Variants in KSR2 observed in about 807,000 individuals in gnomAD.
KSR2 encodes the protein kinase suppressor of ras 2.
Under a neutral mutation model 107.8 loss-of-function variants are expected in KSR2, and 25 were observed. That is an observed-to-expected ratio of 0.23 (90% CI 0.17 to 0.32). The LOEUF (loss-of-function observed/expected upper bound fraction) is 0.32, where lower values mean the gene tolerates loss of function less well. Ranked by LOEUF, KSR2 falls within the 10% of genes least tolerant of loss-of-function variation. The pLI, the probability that KSR2 is intolerant of heterozygous loss-of-function variation, is 1.00. For synonymous variants in KSR2, 480 were observed against 507.0 expected (o/e 0.95, Z 0.71); for missense variants, 887 against 1,268.9 (o/e 0.70, Z 4.57).
chr12:117,583,320 G>A (rs1181105247), intron 5 of KSR2, among the ~76,000 whole-genome samples: 3 of 150,228 alleles, frequency 2.0e-5, no homozygotes, highest in Non-Finnish European at 3.0e-5. Flanking sequence ...TGGATAGATG[G>A]GTGGGTGGAT....
intron 1 of KSR2, among the ~76,000 whole-genome samples, chr12:117,885,255 T>A (rs1421927896): frequency 6.6e-6 from 1 of 152,142 alleles, no homozygotes; most frequent in African/African-American, 2.4e-5. Flanking sequence ...ACTGCCCCTA[T>A]TTATTGAGTG....
intron 14 of KSR2, among the ~76,000 whole-genome samples, chr12:117,515,736 G>T (rs922279433): frequency 5.9e-5 from 9 of 152,130 alleles, no homozygotes; most frequent in Non-Finnish European, 8.8e-5. Context: ...GACAAGGCTG[G>T]CCAACATGGT....
intron 7 of KSR2, among the ~76,000 whole-genome samples, chr12:117,577,101 C>T (rs1273423420): frequency 6.6e-6 from 1 of 152,076 alleles, no homozygotes; most frequent in Non-Finnish European, 1.5e-5. Context: ...AGAGCTTGCC[C>T]TTGCCGTTCT....
intron 9 of KSR2, among the ~76,000 whole-genome samples, chr12:117,553,864 T>C (rs544435043): frequency 1.3e-5 from 2 of 148,148 alleles, no homozygotes; most frequent in South Asian, 4.6e-4. Context: ...TCTCTCTCCC[T>C]CTCTCATGCA....
At chr12:117,748,482 T>C (rs573488134) in intron 4 of KSR2, among the ~76,000 whole-genome samples, 1 of 152,314 alleles carries the variant, frequency 6.6e-6, no homozygotes, top group Non-Finnish European at 1.5e-5. Context: ...TGTAAGATGA[T>C]AGATATGTTA....
At chr12:117,567,439 C>T (rs1185352748) in intron 7 of KSR2, among the ~76,000 whole-genome samples, 1 of 151,736 alleles carries the variant, frequency 6.6e-6, no homozygotes, top group African/African-American at 2.4e-5. Context: ...ACATGGCGCG[C>T]GGTCTCGTCA....
intron 3 of KSR2, among the ~76,000 whole-genome samples, chr12:117,806,454 T>C (rs1336163702): frequency 6.6e-6 from 1 of 152,170 alleles, no homozygotes; most frequent in Non-Finnish European, 1.5e-5. Flanking sequence ...AGGGCTCCAT[T>C]TCCCTCTCTC....
chr12:117,828,930 G>C (rs1251837496), intron 3 of KSR2, among the ~76,000 whole-genome samples: 1 of 152,178 alleles, frequency 6.6e-6, no homozygotes, highest in African/African-American at 2.4e-5. Context: ...AATTCCAAAA[G>C]GATGACATGG....
chr12:117,712,415 G>A (rs1565974763), intron 4 of KSR2, among the ~76,000 whole-genome samples: 1 of 152,144 alleles, frequency 6.6e-6, no homozygotes, highest in Admixed American at 6.5e-5. Context: ...AGGGTCAGCT[G>A]CTGAGACCCT....
chr12:117,873,622 G>A (rs751312560), intron 1 of KSR2, among the ~76,000 whole-genome samples: 9 of 151,948 alleles, frequency 5.9e-5, no homozygotes, highest in Non-Finnish European at 8.8e-5. Flanking sequence ...CACCACACCC[G>A]GCTAATTTTT....
intron 3 of KSR2, among the ~76,000 whole-genome samples, chr12:117,799,855 G>T (rs1259605274): frequency 6.6e-6 from 1 of 152,180 alleles, no homozygotes; most frequent in African/African-American, 2.4e-5. Flanking sequence ...CACCTAAAAG[G>T]CACCAAAATT....
In KSR2 at chr12:117,548,275, T is replaced by C. The variant is rs925542581; in HGVS notation, c.1518+6894A>G. ...GGTTTGCATTGCAATGGTCCACTTA[T>C]ATGTGAATTTTCTTCCACCTCTGCC... is the stretch of plus-strand genomic sequence containing the variant. On this transcript the variant is annotated intron_variant, in intron 9 of 19. Coordinates refer to ENST00000339824, the MANE Select transcript of KSR2 (RefSeq NM_173598.6). Among the ~76,000 whole-genome samples, 7 of 152,188 alleles carry C rather than the reference T, an allele frequency of 4.6e-5. No homozygotes were observed. The South Asian group carries it at 1.0e-3, about 22-fold the overall frequency.
intron 1 of KSR2, among the ~76,000 whole-genome samples, chr12:117,914,353 C>T (rs10850938): frequency 0.28 from 42,285 of 150,336 alleles, 6,378 homozygotes; most frequent in East Asian, 0.49. Flanking sequence ...CGCTCGAACC[C>T]AGGAGGTGGA....
At chr12:117,927,269 G>A (rs1490118344) in intron 1 of KSR2, among the ~76,000 whole-genome samples, 2 of 152,006 alleles carry the variant, frequency 1.3e-5, no homozygotes, top group East Asian at 1.9e-4. Context: ...CCAGCTACTC[G>A]GGAGGCTGAG....
chr12:117,555,388 A>C, intron 8 of KSR2, 95 bp from the exon 9 acceptor site: 2 of 1,257,654 alleles, frequency 1.6e-6, no homozygotes, highest in Non-Finnish European at 2.3e-6. Flanking sequence ...TCTTAGACCC[A>C]CCCTCCAGAC....
At chr12:117,575,887 T>C (rs1879253943) in intron 7 of KSR2, among the ~76,000 whole-genome samples, 1 of 152,226 alleles carries the variant, frequency 6.6e-6, no homozygotes, top group African/African-American at 2.4e-5. Context: ...AATGTCACAC[T>C]TGTGTTGTAG....
intron 1 of KSR2, among the ~76,000 whole-genome samples, chr12:117,925,956 G>A (rs898082712): frequency 3.3e-5 from 5 of 152,126 alleles, no homozygotes; most frequent in African/African-American, 9.7e-5. Context: ...CAGCACTTTG[G>A]GAGGCTGAGG....
chr12:117,704,894 G>A (rs1031835216), intron 4 of KSR2, among the ~76,000 whole-genome samples: 1 of 151,812 alleles, frequency 6.6e-6, no homozygotes, highest in African/African-American at 2.4e-5. Context: ...AGAAGGATCT[G>A]GGGATGAGAT....
At chr12:117,792,343 C>G (rs549301212) in intron 3 of KSR2, among the ~76,000 whole-genome samples, 1 of 150,060 alleles carries the variant, frequency 6.7e-6, no homozygotes, top group Admixed American at 6.6e-5. Context: ...GAGTGAGACA[C>G]TGTCTTTAAA....
Sources: allele counts gnomAD v4.1 joint callset (sites outside exome capture counted in the v4.1 genomes callset), GRCh38; gene constraint gnomAD v4.1.1; transcripts MANE v1.5; gene names NCBI Gene and HGNC (gene_info 2026-07-23, HGNC 2026-07-21).